Variants in COL5A2 observed in about 807,000 individuals in gnomAD.
The protein encoded by COL5A2 is collagen type V alpha 2 chain.
In COL5A2, 23 loss-of-function variants were observed where a neutral mutation model predicts 208.2. That is an observed-to-expected ratio of 0.11 (90% confidence interval 0.08 to 0.16). The LOEUF is 0.16. Among genes scored for constraint, COL5A2 ranks in the 10% least tolerant of loss-of-function variants. COL5A2 has a pLI of 1.00. For synonymous variants in COL5A2, 625 were observed against 628.5 expected, an observed-to-expected ratio of 0.99 and a Z score of 0.08; for missense variants, 1,590 against 1,956.4, an observed-to-expected ratio of 0.81 and a Z score of 3.53.
chr2:189,109,004 G>A (rs1435190786), intron 2 of COL5A2, among the ~76,000 whole-genome samples: 5 of 148,776 alleles, frequency 3.4e-5, no homozygotes, highest in Non-Finnish European at 7.4e-5. Context: ...TAAAATGATA[G>A]GTCAGAATTT....
chr2:189,401,586 T>G, the COL5A2 span, among the ~76,000 whole-genome samples: 1 of 152,172 alleles, frequency 6.6e-6, no homozygotes, highest in Non-Finnish European at 1.5e-5. Flanking sequence ...TACCCAGTAA[T>G]GGGTTGATGG....
chr2:189,200,323 C>A (rs1689054394), intron 1 of COL5A2, among the ~76,000 whole-genome samples: 3 of 151,924 alleles, frequency 2.0e-5, no homozygotes, highest in East Asian at 3.8e-4. Context: ...TAGATAATAC[C>A]TCAAAATAAA....
chr2:189,284,809 C>T, the COL5A2 span, among the ~76,000 whole-genome samples: 2 of 152,164 alleles, frequency 1.3e-5, no homozygotes, highest in Non-Finnish European at 2.9e-5. Context: ...GCCTACTACA[C>T]GCACAGGCTG....
At chr2:189,247,441 G>T in the COL5A2 span, among the ~76,000 whole-genome samples, 2 of 151,944 alleles carry the variant, frequency 1.3e-5, no homozygotes, top group African/African-American at 2.4e-5. Context: ...ATTTGAGTCC[G>T]AAAAGTTCCA....
the COL5A2 span, among the ~76,000 whole-genome samples, chr2:189,402,245 G>T: frequency 6.6e-6 from 1 of 152,116 alleles, no homozygotes; most frequent in Non-Finnish European, 1.5e-5. Flanking sequence ...TTGAGATGGA[G>T]TCTCGCTCTA....
chr2:189,187,399 A>G (rs920537480), intron 1 of COL5A2, among the ~76,000 whole-genome samples: 7 of 152,220 alleles, frequency 4.6e-5, no homozygotes, highest in Admixed American at 1.3e-4. Context: ...GGTGATTATG[A>G]GCCAGACAGA....
chr2:189,385,645 A>G, the COL5A2 span, among the ~76,000 whole-genome samples: 2 of 150,704 alleles, frequency 1.3e-5, no homozygotes, highest in Non-Finnish European at 3.0e-5. Context: ...TACAGAATCG[A>G]AAAAAAAACC....
At chr2:189,386,813 G>A in the COL5A2 span, among the ~76,000 whole-genome samples, 3 of 152,110 alleles carry the variant, frequency 2.0e-5, no homozygotes, top group Admixed American at 2.0e-4. Flanking sequence ...TTGTTAAAAA[G>A]TCAAAAAAAT....
At chr2:189,251,221 T>C in the COL5A2 span, among the ~76,000 whole-genome samples, 1 of 152,078 alleles carries the variant, frequency 6.6e-6, no homozygotes, top group South Asian at 2.1e-4. Flanking sequence ...TAATAATCAA[T>C]AAAAAGATCA....
the COL5A2 span, among the ~76,000 whole-genome samples, chr2:189,424,179 G>A: frequency 6.6e-6 from 1 of 151,886 alleles, no homozygotes; most frequent in South Asian, 2.1e-4. Flanking sequence ...GAATAAATTA[G>A]GTACAAAAGA....
At chr2:189,090,471 T>G (rs985627462) in intron 7 of COL5A2, among the ~76,000 whole-genome samples, 10 of 152,234 alleles carry the variant, frequency 6.6e-5, no homozygotes, top group African/African-American at 2.4e-4. Context: ...TTAGCATCAT[T>G]GATGAACGTG....
In COL5A2 at chr2:189,195,400, A is replaced by G. The variant is rs1377658303; in HGVS notation, c.-42+29748T>C. On this transcript the variant is annotated intron_variant, in intron 1 of 10. Transcript: ENST00000649966. ...ATGGCCATGCTGCCCAAAGTAATTC[A>G]TAGATTCACTGCTATTCCCATCAAA... Among the ~76,000 whole-genome samples, 3 of 152,228 alleles carry G rather than the reference A, an allele frequency of 2.0e-5. No homozygotes were observed. The East Asian group carries it at 5.8e-4, about 29-fold the overall frequency.
At chr2:189,043,283 A>T in intron 47 of COL5A2, 25 bp from the exon 48 acceptor site, 1 of 1,507,928 alleles carries the variant, frequency 6.6e-7, no homozygotes, top group Non-Finnish European at 9.2e-7. Flanking sequence ...ATGGCATGAA[A>T]ATTACTTGCT....
chr2:189,438,741 G>C, the COL5A2 span, among the ~76,000 whole-genome samples: 1 of 152,092 alleles, frequency 6.6e-6, no homozygotes, highest in Non-Finnish European at 1.5e-5. Flanking sequence ...TATTTGTGAT[G>C]GTGGATACGA....
chr2:189,086,896 C>T, intron 8 of COL5A2, 126 bp from the exon 9 acceptor site: 1 of 780,490 alleles, frequency 1.3e-6, no homozygotes, highest in Non-Finnish European at 2.2e-6. Context: ...TGATGACATT[C>T]TCCATCTGTA....
At chr2:189,370,139 CTAATTG>C in the COL5A2 span, among the ~76,000 whole-genome samples, 1 of 152,118 alleles carries the variant, frequency 6.6e-6, no homozygotes, top group African/African-American at 2.4e-5. Flanking sequence ...ATCTCTACCT[CTAATTG>C]TACTTTTTTC....
the COL5A2 span, among the ~76,000 whole-genome samples, chr2:189,393,031 G>GA: frequency 3.5e-4 from 53 of 151,756 alleles, no homozygotes; most frequent in African/African-American, 1.3e-3. Context: ...ATAAATAAAA[G>GA]AAAAAAAACT....
the COL5A2 span, among the ~76,000 whole-genome samples, chr2:189,338,647 A>T: frequency 6.7e-6 from 1 of 150,222 alleles, no homozygotes; most frequent in Non-Finnish European, 1.5e-5. Context: ...TGGATATGAG[A>T]GAAGGTATAA....
chr2:189,221,939 G>A (rs1035496259), intron 1 of COL5A2, among the ~76,000 whole-genome samples: 5 of 152,004 alleles, frequency 3.3e-5, no homozygotes, highest in African/African-American at 9.7e-5. Context: ...TTAAATCTAA[G>A]GATATTTGTC....
Sources: allele counts gnomAD v4.1 joint callset (sites outside exome capture counted in the v4.1 genomes callset), GRCh38; gene constraint gnomAD v4.1.1; transcripts MANE v1.5; gene names NCBI Gene and HGNC (gene_info 2026-07-23, HGNC 2026-07-21).